Variants in C1QTNF1 observed in about 807,000 individuals in gnomAD.
The protein encoded by C1QTNF1 is C1q and TNF related 1, also known as complement C1q tumor necrosis factor-related protein 1.
A neutral mutation model predicts 27.8 loss-of-function variants in C1QTNF1; 22 were observed. That is an observed-to-expected ratio of 0.79 (90% CI 0.56 to 1.13). The LOEUF (loss-of-function observed/expected upper bound fraction) is 1.13, where lower values mean the gene tolerates loss of function less well. Among genes scored for constraint, C1QTNF1 ranks in the 50% most tolerant of loss-of-function variants. The pLI, the probability that C1QTNF1 is intolerant of heterozygous loss-of-function variation, is 0.00. For synonymous variants in C1QTNF1, 166 were observed against 154.3 expected (o/e 1.08, Z -0.56); for missense variants, 373 against 380.2 (o/e 0.98, Z 0.16).
chr17:79,030,459 TTTTCTTTC>T (rs1218710269), intron 1 of C1QTNF1, among the ~76,000 whole-genome samples: 10 of 135,318 alleles, frequency 7.4e-5, no homozygotes, highest in Non-Finnish European at 9.8e-5. Context: ...TCTTTCTTTC[TTTTCTTTC>T]TTTCTTTCTT....
chr17:79,044,580 G>A (rs536611805), intron 2 of C1QTNF1, among the ~76,000 whole-genome samples: 46 of 152,332 alleles, frequency 3.0e-4, no homozygotes, highest in African/African-American at 8.9e-4. Context: ...TCACACTGCA[G>A]GACAGGAGAG....
chr17:79,024,014 C>T (rs1207560401), upstream of C1QTNF1: 1 of 152,714 alleles, frequency 6.5e-6, no homozygotes, highest in Non-Finnish European at 1.5e-5. Flanking sequence ...GGAATCTGCC[C>T]CACCCCCACT....
At chr17:79,043,318 G>A (rs1166612873) in intron 1 of C1QTNF1, 1 of 453,396 alleles carries the variant, frequency 2.2e-6, no homozygotes, top group African/African-American at 2.0e-5. Context: ...TGTGAGTTGT[G>A]CATGTGTGTT....
chr17:79,043,373 T>A, intron 1 of C1QTNF1: 1 of 453,278 alleles, frequency 2.2e-6, no homozygotes, highest in Non-Finnish European at 4.4e-6. Context: ...TGCATGTGTG[T>A]GGACTGTGTA....
At chr17:79,047,210 G>A (rs2072601878) in intron 3 of C1QTNF1, 4 of 310,756 alleles carry the variant, frequency 1.3e-5, no homozygotes, top group Non-Finnish European at 2.3e-5. Context: ...GGACGAACCC[G>A]TATGTTCCAT....
intron 1 of C1QTNF1, among the ~76,000 whole-genome samples, chr17:79,026,811 A>G (rs919756972): frequency 1.3e-5 from 2 of 152,192 alleles, no homozygotes; most frequent in Non-Finnish European, 1.5e-5. Flanking sequence ...AAGCTGTCCC[A>G]GGAAGGCCAT....
rs575316765 is a variant in C1QTNF1 at position 79,027,085 on chromosome 17, G to T, written c.-15+2591G>T. 7.7e-3 allele frequency among the ~76,000 whole-genome samples: 1,163 copies of T among 151,948 alleles called. 48 individuals are homozygous for T. In the East Asian group the frequency reaches 0.12, roughly 16 times the overall value. On this transcript the variant is annotated intron_variant, in intron 1 of 3. Transcript: ENST00000579760. Reference sequence around the variant, plus strand: ...TCAGGGGTCCCTGTTCCTGGGCGGGGGGGGGCTGTGGCTGAGGCTCCAGAA... The same window carrying T: ...TCAGGGGTCCCTGTTCCTGGGCGGGTGGGGGCTGTGGCTGAGGCTCCAGAA...
intron 1 of C1QTNF1, chr17:79,043,395 G>A (rs960495043): frequency 4.4e-5 from 20 of 452,448 alleles, no homozygotes; most frequent in Admixed American, 9.4e-5. Context: ...GTGCATGTAT[G>A]TGCATGTGAG....
At position 79,049,646 on chromosome 17, in the gene C1QTNF1, T is replaced by C. The variant is rs1748801634; in HGVS notation, c.*1558T>C. 1 of 152,126 alleles carries C rather than the reference T, an allele frequency of 6.6e-6. No homozygotes were observed. The highest frequency in any genetic ancestry group is 2.4e-5 in the African/African-American group (1 of 41,392). 9.4% of individuals were successfully genotyped at this position (152,126 alleles called of 1,614,324 possible). A position where few individuals can be genotyped will look rare whatever the true frequency, so the allele number is the denominator to read the frequency against. ...GCTGCCGGGATCTGGGGTCCCTAAGTCCCTCTCTTTAAAGAACTTCTGCGG... is the reference window on the plus strand; with the variant it reads ...GCTGCCGGGATCTGGGGTCCCTAAGCCCCTCTCTTTAAAGAACTTCTGCGG... On this transcript the variant is annotated 3_prime_UTR_variant, in exon 4 of 4. Coordinates refer to ENST00000579760, the MANE Select transcript of C1QTNF1 (RefSeq NM_030968.5). This position sits in a 1 kb window ranked among gnomAD's most constrained non-coding sequence, Gnocchi z 4.4.
At chr17:79,041,115 A>G (rs2072395859) in intron 1 of C1QTNF1, among the ~76,000 whole-genome samples, 1 of 152,150 alleles carries the variant, frequency 6.6e-6, no homozygotes, top group Admixed American at 6.5e-5. Flanking sequence ...CCATGTGCAC[A>G]TACACCCTTT....
chr17:79,036,976 C>G (rs181634924), intron 1 of C1QTNF1, among the ~76,000 whole-genome samples: 1 of 152,294 alleles, frequency 6.6e-6, no homozygotes, highest in Admixed American at 6.5e-5. Context: ...AGGCCCTGCG[C>G]TGGGTGGAGC....
chr17:79,029,899 C>T (rs574219473), intron 1 of C1QTNF1, among the ~76,000 whole-genome samples: 1 of 152,284 alleles, frequency 6.6e-6, no homozygotes, highest in Admixed American at 6.5e-5. Flanking sequence ...CATCTTGTTC[C>T]GTTCGTCCCA....
chr17:79,039,870 G>T (rs1487653584), intron 1 of C1QTNF1, among the ~76,000 whole-genome samples: 1 of 151,500 alleles, frequency 6.6e-6, no homozygotes, highest in African/African-American at 2.4e-5. Context: ...TATAAAATTT[G>T]GGATTCAGGA....
At chr17:79,029,644 C>T (rs1041053609) in intron 1 of C1QTNF1, among the ~76,000 whole-genome samples, 2 of 152,188 alleles carry the variant, frequency 1.3e-5, no homozygotes, top group Admixed American at 6.5e-5. Flanking sequence ...GGCTGCAGGA[C>T]GGGGCTCCGT....
intron 1 of C1QTNF1, chr17:79,043,476 G>A: frequency 4.4e-6 from 2 of 452,646 alleles, no homozygotes; most frequent in South Asian, 3.1e-5. Flanking sequence ...GTGTGCATAT[G>A]GGTGCGTGGA....
intron 1 of C1QTNF1, among the ~76,000 whole-genome samples, chr17:79,043,015 A>G (rs1186236857): frequency 6.6e-6 from 1 of 151,404 alleles, no homozygotes; most frequent in Non-Finnish European, 1.5e-5. Context: ...GCGAATGTGC[A>G]TGTGTGTGGA....
chr17:79,026,233 G>A (rs1382350808), intron 1 of C1QTNF1, among the ~76,000 whole-genome samples: 1 of 151,862 alleles, frequency 6.6e-6, no homozygotes, highest in Non-Finnish European at 1.5e-5. Flanking sequence ...TCGGCTCACT[G>A]CAACCTCCAC....
chr17:79,030,972 T>C (rs999496622), intron 1 of C1QTNF1, among the ~76,000 whole-genome samples: 2 of 151,826 alleles, frequency 1.3e-5, no homozygotes, highest in African/African-American at 4.8e-5. Context: ...TGGCTGATTC[T>C]GCTCCCCAGT....
chr17:79,043,911 C>G lies in C1QTNF1; in HGVS notation c.-14-44C>G, dbSNP rs189236481. 502 of 1,607,750 alleles carry G rather than the reference C, an allele frequency of 3.1e-4. 6 individuals carry two copies. The African/African-American group carries it at 5.7e-3, about 18-fold the overall frequency. On this transcript the variant is annotated intron_variant, in intron 1 of 3. Transcript: ENST00000579760. ...TTTCAGGCTGTTTCTCTGTGCAGCT[C>G]CTTCCTAACTCGGTGCCTTCCCTGT...
Sources: allele counts gnomAD v4.1 joint callset (sites outside exome capture counted in the v4.1 genomes callset), GRCh38; gene constraint gnomAD v4.1.1; non-coding constraint Gnocchi (gnomAD v3.1); transcripts MANE v1.5; gene names NCBI Gene and HGNC (gene_info 2026-07-23, HGNC 2026-07-21).